MSRA: variants seen among roughly 807,000 people sequenced by gnomAD.
MSRA encodes the protein methionine sulfoxide reductase A.
In MSRA, 54 loss-of-function variants were observed where a neutral mutation model predicts 31.3. The observed-to-expected ratio is 1.73, with a 90% CI of 1.39 to 2.17. MSRA has a LOEUF of 2.17. MSRA is among the 30% of genes most tolerant of loss of function. The pLI is 0.00. For synonymous variants in MSRA, 169 were observed against 116.5 expected (o/e 1.45, Z -2.90); for missense variants, 507 against 300.9 (o/e 1.69, Z -5.07).
rs961830630 is a variant in MSRA at position 10,113,217 on chromosome 8, T to A, written c.142+58559T>A. The stretch of plus-strand genomic sequence containing the variant: ...GAGACAGGATATGGTGCTTATAGGC[T>A]GCCCCTTCAGGAGGAAGCAGAGGGT... On this transcript the variant is annotated intron_variant, in intron 1 of 5. Transcript: ENST00000317173. Among the ~76,000 whole-genome samples the A allele has an allele frequency of 1.5e-4, 21 of 144,242 alleles. 1 individual carries two copies. Among genetic ancestry groups the A allele is most frequent in the Admixed American group, 5.1e-4 (7 of 13,744 alleles). 94.6% of individuals were successfully genotyped at this position (144,242 alleles called of 152,430 possible). A position where few individuals can be genotyped will look rare whatever the true frequency, so the allele number is the denominator to read the frequency against.
intron 5 of MSRA, among the ~76,000 whole-genome samples, chr8:10,386,761 A>T (rs1459034470): frequency 2.0e-5 from 3 of 152,034 alleles, no homozygotes; most frequent in African/African-American, 4.8e-5. Flanking sequence ...TTCTACTTCT[A>T]AAAATGAGGG....
At chr8:10,316,437 C>G (rs1349452979) in intron 4 of MSRA, among the ~76,000 whole-genome samples, 1 of 151,380 alleles carries the variant, frequency 6.6e-6, no homozygotes, top group Non-Finnish European at 1.5e-5. Context: ...TAATATCCTC[C>G]AAGTATTTGC....
At chr8:10,061,073 C>G (rs1802690649) in intron 1 of MSRA, among the ~76,000 whole-genome samples, 1 of 152,150 alleles carries the variant, frequency 6.6e-6, no homozygotes, top group Non-Finnish European at 1.5e-5. Context: ...CAACCTGTTC[C>G]AGAACGTTTA....
chr8:10,151,371 T>C (rs1326214048), intron 1 of MSRA, among the ~76,000 whole-genome samples: 1 of 150,166 alleles, frequency 6.7e-6, no homozygotes, highest in Admixed American at 6.6e-5. Context: ...AGGCCGGGCG[T>C]GGTGGCTCAC....
intron 2 of MSRA, among the ~76,000 whole-genome samples, chr8:10,215,576 C>G (rs868489959): frequency 1.3e-5 from 2 of 152,158 alleles, no homozygotes; most frequent in Non-Finnish European, 2.9e-5. Context: ...AGTCCCGTAA[C>G]TCAGGGATTT....
chr8:10,393,816 A>G (rs1806917592), intron 5 of MSRA, among the ~76,000 whole-genome samples: 3 of 152,218 alleles, frequency 2.0e-5, no homozygotes, highest in South Asian at 4.1e-4. Flanking sequence ...TTTTGTGACT[A>G]TCCCCTGTGC....
At chr8:10,308,200 T>C (rs1801243629) in intron 4 of MSRA, among the ~76,000 whole-genome samples, 1 of 152,268 alleles carries the variant, frequency 6.6e-6, no homozygotes, top group Admixed American at 6.5e-5. Context: ...ATTCTCATTT[T>C]CTACAGCAGC....
At chr8:10,082,570 A>C (rs183782467) in intron 1 of MSRA, among the ~76,000 whole-genome samples, 5 of 152,242 alleles carry the variant, frequency 3.3e-5, no homozygotes, top group African/African-American at 1.2e-4. Flanking sequence ...GTTACTTCCA[A>C]ATCCTACCAA....
intron 3 of MSRA, among the ~76,000 whole-genome samples, chr8:10,261,364 C>T (rs1585303214): frequency 6.9e-6 from 1 of 144,336 alleles, no homozygotes; most frequent in East Asian, 2.1e-4. Context: ...TTTCTGTCTT[C>T]ATGAAGGGTA....
chr8:10,340,491 G>T (rs1369732189), intron 5 of MSRA, among the ~76,000 whole-genome samples: 1 of 152,184 alleles, frequency 6.6e-6, no homozygotes, highest in East Asian at 1.9e-4. Context: ...TCGTCCTTCA[G>T]CCTCCAGAAT....
At position 10,097,514 on chromosome 8, in the gene MSRA, C is replaced by G. The variant is rs191386111; in HGVS notation, c.142+42856C>G. On this transcript the variant is annotated intron_variant, in intron 1 of 5. Coordinates refer to ENST00000317173, the MANE Select transcript of MSRA (RefSeq NM_012331.5). ...TGAAACAAAAAGAAAGTTCAGCAAACAAGTTTAAATTGAGCTTCATTTTAA... is the reference window on the plus strand; with the variant it reads ...TGAAACAAAAAGAAAGTTCAGCAAAGAAGTTTAAATTGAGCTTCATTTTAA... 4.7e-3 allele frequency among the ~76,000 whole-genome samples: 716 copies of G among 152,274 alleles called. 5 individuals are homozygous for G. Among genetic ancestry groups the G allele is most frequent in the Middle Eastern group, 0.041 (12 of 294 alleles).
At chr8:10,421,209 G>T in intron 5 of MSRA, among the ~76,000 whole-genome samples, 1 of 152,182 alleles carries the variant, frequency 6.6e-6, no homozygotes, top group Middle Eastern at 3.2e-3. Flanking sequence ...TCAGGAGCCA[G>T]GGTTCAGGGC....
chr8:10,364,694 C>CT (rs1805055947), intron 5 of MSRA, among the ~76,000 whole-genome samples: 1 of 152,212 alleles, frequency 6.6e-6, no homozygotes, highest in Non-Finnish European at 1.5e-5. Context: ...TTGAACAGAC[C>CT]TTAACTGCTG....
At chr8:10,392,376 G>A (rs1303648808) in intron 5 of MSRA, among the ~76,000 whole-genome samples, 4 of 152,206 alleles carry the variant, frequency 2.6e-5, no homozygotes, top group African/African-American at 7.2e-5. Flanking sequence ...CAGTCCAGGA[G>A]AGGGAAGGTG....
intron 1 of MSRA, among the ~76,000 whole-genome samples, chr8:10,143,050 T>G (rs1802841083): frequency 6.6e-6 from 1 of 152,180 alleles, no homozygotes; most frequent in Non-Finnish European, 1.5e-5. Context: ...AAGATTTCAC[T>G]GGGGCATGCT....
At chr8:10,171,527 C>A (rs1249216595) in intron 1 of MSRA, among the ~76,000 whole-genome samples, 1 of 152,216 alleles carries the variant, frequency 6.6e-6, no homozygotes, top group Non-Finnish European at 1.5e-5. Flanking sequence ...GTAACTGTTA[C>A]TACTGAGTAA....
chr8:10,197,600 A>C (rs897935984), intron 1 of MSRA, among the ~76,000 whole-genome samples: 1 of 152,130 alleles, frequency 6.6e-6, no homozygotes, highest in Non-Finnish European at 1.5e-5. Flanking sequence ...GCCACATTCT[A>C]ACTGTGATGG....
At chr8:10,234,063 T>C (rs1811727727) in intron 2 of MSRA, among the ~76,000 whole-genome samples, 1 of 152,142 alleles carries the variant, frequency 6.6e-6, no homozygotes, top group Non-Finnish European at 1.5e-5. Flanking sequence ...TAAACTTACA[T>C]TCGATAGTAT....
chr8:10,317,642 G>T (rs150890187), intron 4 of MSRA, among the ~76,000 whole-genome samples: 3 of 152,142 alleles, frequency 2.0e-5, no homozygotes, highest in Admixed American at 6.6e-5. Flanking sequence ...TAAGCACAAG[G>T]TGTTGTTTCT....
Sources: allele counts gnomAD v4.1 joint callset (sites outside exome capture counted in the v4.1 genomes callset), GRCh38; gene constraint gnomAD v4.1.1; transcripts MANE v1.5; gene names NCBI Gene and HGNC (gene_info 2026-07-23, HGNC 2026-07-21).